EYA4: variants seen among roughly 807,000 people sequenced by gnomAD.
EYA4 encodes protein phosphatase EYA4.
Under a neutral mutation model 87.9 loss-of-function variants are expected in EYA4, and 31 were observed. The observed-to-expected ratio is 0.35, with a 90% CI of 0.27 to 0.48. The LOEUF (loss-of-function observed/expected upper bound fraction) is 0.48. Among genes scored for constraint, EYA4 ranks in the 20% least tolerant of loss-of-function variants. The pLI is 0.99. For synonymous variants in EYA4, 263 were observed against 270.6 expected, an observed-to-expected ratio of 0.97 and a Z score of 0.28; for missense variants, 678 against 761.4, an observed-to-expected ratio of 0.89 and a Z score of 1.29.
intron 13 of EYA4, among the ~76,000 whole-genome samples, chr6:133,490,908 A>C (rs1445083380): frequency 6.6e-6 from 1 of 152,196 alleles, no homozygotes; most frequent in African/African-American, 2.4e-5. Context: ...CAGAATATAC[A>C]TTCTTCTCCT....
intron 3 of EYA4, among the ~76,000 whole-genome samples, chr6:133,391,247 G>GT (rs1249826663): frequency 3.8e-5 from 3 of 78,316 alleles, no homozygotes; most frequent in Admixed American, 1.2e-4. Flanking sequence ...TTGAGATGGA[G>GT]TTTCGCTCTT....
chr6:133,380,674 C>CT (rs914063775), intron 2 of EYA4, among the ~76,000 whole-genome samples: 23 of 151,106 alleles, frequency 1.5e-4, no homozygotes, highest in Admixed American at 2.6e-4. Flanking sequence ...AAAGAAGGTT[C>CT]TTTTTTTTTC....
chr6:133,524,676 G>A (rs1328812548), intron 18 of EYA4, among the ~76,000 whole-genome samples: 5 of 152,122 alleles, frequency 3.3e-5, no homozygotes, highest in Non-Finnish European at 7.4e-5. Flanking sequence ...TAGCTGACTT[G>A]TCTATGCTAC....
At chr6:133,478,825 C>G (rs1367271354) in intron 11 of EYA4, among the ~76,000 whole-genome samples, 1 of 152,140 alleles carries the variant, frequency 6.6e-6, no homozygotes, top group Non-Finnish European at 1.5e-5. Context: ...CTTTTCACCC[C>G]TTTGCTGTGA....
chr6:133,257,362 C>T (rs527730649), intron 1 of EYA4, among the ~76,000 whole-genome samples: 3 of 152,090 alleles, frequency 2.0e-5, no homozygotes, highest in Non-Finnish European at 2.9e-5. Context: ...GTAGGTGAGG[C>T]CTGTGATGAT....
At chr6:133,484,123 A>G (rs186903894) in intron 13 of EYA4, among the ~76,000 whole-genome samples, 1 of 152,310 alleles carries the variant, frequency 6.6e-6, no homozygotes, top group East Asian at 1.9e-4. Context: ...TTTGGCTAGA[A>G]ACACAGCTGT....
chr6:133,246,333 C>A (rs1448936669), intron 1 of EYA4, among the ~76,000 whole-genome samples: 2 of 152,076 alleles, frequency 1.3e-5, no homozygotes, highest in Non-Finnish European at 2.9e-5. Context: ...TGTTTTAATA[C>A]AGTATGTTCA....
At chr6:133,350,160 T>G (rs1423930522) in intron 2 of EYA4, among the ~76,000 whole-genome samples, 1 of 152,072 alleles carries the variant, frequency 6.6e-6, no homozygotes, top group Non-Finnish European at 1.5e-5. Context: ...ACAGTCTAAT[T>G]GAACCAAAAA....
chr6:133,358,337 A>C (rs922629422), intron 2 of EYA4, among the ~76,000 whole-genome samples: 3 of 152,168 alleles, frequency 2.0e-5, no homozygotes, highest in African/African-American at 7.2e-5. Context: ...TAAATATTTG[A>C]ATTTTCAATT....
chr6:133,423,428 A>AT (rs1422019646), intron 3 of EYA4, among the ~76,000 whole-genome samples: 2 of 152,088 alleles, frequency 1.3e-5, no homozygotes, highest in Non-Finnish European at 2.9e-5. Context: ...AGAATTACCC[A>AT]TTTTACCACA....
chr6:133,456,709 T>G, intron 6 of EYA4, 61 bp downstream of exon 6: 2 of 992,852 alleles, frequency 2.0e-6, no homozygotes, highest in Non-Finnish European at 3.3e-6. Flanking sequence ...ATCCTCCTCC[T>G]CGGGAATAAG....
intron 2 of EYA4, among the ~76,000 whole-genome samples, chr6:133,367,539 A>G (rs1208090267): frequency 2.0e-5 from 3 of 152,236 alleles, no homozygotes; most frequent in Non-Finnish European, 4.4e-5. Context: ...ACAATGGGAA[A>G]GTCACTGCTA....
intron 1 of EYA4, among the ~76,000 whole-genome samples, chr6:133,268,038 A>G (rs1776369537): frequency 6.6e-6 from 1 of 152,196 alleles, no homozygotes; most frequent in Non-Finnish European, 1.5e-5. Flanking sequence ...GAATATGTAT[A>G]CAATAATCCA....
At chr6:133,527,918 G>A (rs766933428) in intron 19 of EYA4, among the ~76,000 whole-genome samples, 1 of 151,658 alleles carries the variant, frequency 6.6e-6, no homozygotes, top group Non-Finnish European at 1.5e-5. Context: ...CATTATCATC[G>A]CCAGTGGGGA....
intron 2 of EYA4, among the ~76,000 whole-genome samples, chr6:133,314,754 CTG>C (rs1247952339): frequency 1.3e-5 from 2 of 152,104 alleles, no homozygotes; most frequent in Admixed American, 6.5e-5. Context: ...TTGATTTTTA[CTG>C]TCTTTATTAT....
chr6:133,442,326 G>A (rs1488267862), intron 3 of EYA4, among the ~76,000 whole-genome samples: 5 of 151,752 alleles, frequency 3.3e-5, no homozygotes, highest in Admixed American at 1.3e-4. Flanking sequence ...GGCAGTTAAG[G>A]TGAGGATCTG....
intron 13 of EYA4, among the ~76,000 whole-genome samples, chr6:133,500,164 G>GT (rs1405681448): frequency 1.3e-5 from 2 of 151,692 alleles, no homozygotes. Context: ...AATTTCGTTT[G>GT]TACATTGGAC....
chr6:133,346,249 A>G (rs534603055), intron 2 of EYA4, among the ~76,000 whole-genome samples: 1 of 152,302 alleles, frequency 6.6e-6, no homozygotes, highest in African/African-American at 2.4e-5. Flanking sequence ...ATCTAAATAA[A>G]TTTAATTTTG....
chr6:133,416,151 G>T (rs1789693946), intron 3 of EYA4, among the ~76,000 whole-genome samples: 1 of 152,190 alleles, frequency 6.6e-6, no homozygotes, highest in African/African-American at 2.4e-5. Flanking sequence ...AGTGCCATGG[G>T]CAGATGAACC....
Sources: gnomAD v4.1 joint callset for allele counts (sites outside exome capture counted in the v4.1 genomes callset) on GRCh38, gnomAD v4.1.1 for gene constraint, MANE v1.5 for transcripts, NCBI Gene and HGNC (gene_info 2026-07-23, HGNC 2026-07-21) for gene names.